SLIT3: variants seen among roughly 807,000 people sequenced by gnomAD.
SLIT3 encodes the protein slit guidance ligand 3, also known as slit homolog 3 protein.
A neutral mutation model predicts 184.0 loss-of-function variants in SLIT3; 68 were observed. The observed-to-expected ratio is 0.37, with a 90% CI of 0.30 to 0.45. SLIT3 has a LOEUF of 0.45. Among genes scored for constraint, SLIT3 ranks in the 20% least tolerant of loss-of-function variants. The probability of loss-of-function intolerance (pLI) is 1.00; values close to 1 mark genes in which losing one functional copy is unlikely to be tolerated. For synonymous variants in SLIT3, 831 were observed against 828.6 expected (o/e 1.00, Z -0.05); for missense variants, 1,707 against 2,026.0 (o/e 0.84, Z 3.02).
At chr5:168,817,489 G>A (rs781563469) in intron 7 of SLIT3, 26 bp from the exon 8 acceptor site, 28 of 1,579,644 alleles carry the variant, frequency 1.8e-5, no homozygotes, top group Non-Finnish European at 2.3e-5. Context: ...ACAGAGAGAA[G>A]GCATGGTCAC....
chr5:169,300,656 C>G lies in SLIT3; in HGVS notation c.54G>C (p.Leu18=). 1 of 1,438,688 alleles carries G rather than the reference C, an allele frequency of 7.0e-7. No individual in the cohort carries two copies. Among genetic ancestry groups the G allele is most frequent in the Non-Finnish European group, 9.1e-7 (1 of 1,103,588 alleles). The allele number at this position is 1,438,688 out of a possible 1,614,324, so 89.1% of individuals were successfully genotyped here. Residue 18 remains leucine (L), a synonymous_variant, in exon 1 of 36, where the codon CTG becomes CTC. Transcript: ENST00000519560. The surrounding 1 kb of genome is among the most constrained non-coding windows in gnomAD (Gnocchi z 4.1). ...VGAAVRARLA[L]ALALASVLSG... Reference sequence around the variant, plus strand: ...TCAGGACGCTCGCCAGCGCCAAGGCCAGCGCCAGGCGGGCGCGCACGGCGG... The same window carrying G: ...TCAGGACGCTCGCCAGCGCCAAGGCGAGCGCCAGGCGGGCGCGCACGGCGG...
rs564971479 is a variant in SLIT3, at chr5:169,066,131, C to T, written c.413+127348G>A. ...ATAATGCAAATACAACCATAGCTGG[C>T]ACTAAAATGTAAAAACTATTTTTGA... On this transcript the variant is annotated intron_variant, in intron 4 of 35. Coordinates refer to ENST00000519560, the MANE Select transcript of SLIT3 (RefSeq NM_003062.4). 3.3e-5 allele frequency among the ~76,000 whole-genome samples: 5 copies of T among 152,300 alleles called. No individual in the cohort carries two copies. In the South Asian group the frequency reaches 8.3e-4, roughly 25 times the overall value.
At chr5:168,857,099 T>TG (rs1758910978) in intron 5 of SLIT3, among the ~76,000 whole-genome samples, 1 of 151,944 alleles carries the variant, frequency 6.6e-6, no homozygotes, top group Non-Finnish European at 1.5e-5. Flanking sequence ...CGAAAACATC[T>TG]GGGGGGCCCA....
chr5:168,931,837 G>A (rs1401021915), intron 4 of SLIT3, among the ~76,000 whole-genome samples: 2 of 152,132 alleles, frequency 1.3e-5, no homozygotes, highest in South Asian at 2.1e-4. Context: ...GTTGACTCCC[G>A]GAGGTTCCTT....
intron 4 of SLIT3, among the ~76,000 whole-genome samples, chr5:169,031,676 G>A (rs1757031289): frequency 6.6e-6 from 1 of 152,226 alleles, no homozygotes; most frequent in Non-Finnish European, 1.5e-5. Context: ...GAACAGAGTA[G>A]TAGGAGATGG....
intron 4 of SLIT3, among the ~76,000 whole-genome samples, chr5:169,003,969 GC>G (rs1755816556): frequency 6.6e-6 from 1 of 152,194 alleles, no homozygotes; most frequent in Non-Finnish European, 1.5e-5. Flanking sequence ...AAAAACCCAG[GC>G]CCCTGCTGAC....
intron 16 of SLIT3, among the ~76,000 whole-genome samples, chr5:168,756,076 GGT>G (rs1388383608): frequency 6.6e-6 from 1 of 152,244 alleles, no homozygotes; most frequent in African/African-American, 2.4e-5. Flanking sequence ...GGAAATCGCA[GGT>G]GGAGGTGGAG....
At chr5:168,827,773 T>C (rs544156697) in intron 6 of SLIT3, among the ~76,000 whole-genome samples, 12 of 152,258 alleles carry the variant, frequency 7.9e-5, no homozygotes, top group Middle Eastern at 3.4e-3. Flanking sequence ...TACATGAAGA[T>C]TCACATAATG....
rs143403018 is a variant in SLIT3, at chr5:168,998,225, C to T, written c.414-114889G>A. 4.9e-3 allele frequency among the ~76,000 whole-genome samples: 744 copies of T among 152,284 alleles called. 5 individuals are homozygous for T. The highest frequency in any genetic ancestry group is 8.8e-3 in the Non-Finnish European group (597 of 68,028). ...TGGCTTAAAACACATGAAACACATCCGTTTCATCCCTTCCTTGTTTCTTTT... is the reference window on the plus strand; with the variant it reads ...TGGCTTAAAACACATGAAACACATCTGTTTCATCCCTTCCTTGTTTCTTTT... On this transcript the variant is annotated intron_variant, in intron 4 of 35. Coordinates refer to ENST00000519560, the MANE Select transcript of SLIT3 (RefSeq NM_003062.4).
At chr5:169,215,483 A>G (rs1420625527) in intron 3 of SLIT3, among the ~76,000 whole-genome samples, 1 of 150,144 alleles carries the variant, frequency 6.7e-6, no homozygotes, top group Non-Finnish European at 1.5e-5. Flanking sequence ...CCAAACAGTA[A>G]TTACTCTGGG....
intron 4 of SLIT3, among the ~76,000 whole-genome samples, chr5:169,100,440 C>CA (rs1759965943): frequency 6.6e-6 from 1 of 152,074 alleles, no homozygotes; most frequent in African/African-American, 2.4e-5. Context: ...TGTCGTAGCA[C>CA]AAAGGCAAGA....
In SLIT3 at chr5:168,925,636, G is replaced by A. The variant is rs138427914; in HGVS notation, c.414-42300C>T. ...AGAAAGATGCCACAGTGGATATTGA[G>A]TAAGGCAATCTGTAGTCTCTGCCCT... On this transcript the variant is annotated intron_variant, in intron 4 of 35. Coordinates refer to ENST00000519560, the MANE Select transcript of SLIT3 (RefSeq NM_003062.4). 1.3e-3 allele frequency among the ~76,000 whole-genome samples: 199 copies of A among 150,318 alleles called. 1 individual carries two copies. The highest frequency in any genetic ancestry group is 4.6e-3 in the African/African-American group (189 of 40,820).
At chr5:169,013,042 G>A (rs1483490897) in intron 4 of SLIT3, 3 of 152,230 alleles carry the variant, frequency 2.0e-5, no homozygotes, top group Admixed American at 1.3e-4. Flanking sequence ...AAATGTGAGC[G>A]ATTAAAAGGG....
chr5:169,100,434 G>A lies in SLIT3; in HGVS notation c.413+93045C>T, dbSNP rs558852461. The stretch of plus-strand genomic sequence containing the variant: ...ATGATACCCACTTCCCAGGATTGTC[G>A]TAGCACAAAGGCAAGAGTGGAAGAA... On this transcript the variant is annotated intron_variant, in intron 4 of 35. Coordinates refer to ENST00000519560, the MANE Select transcript of SLIT3 (RefSeq NM_003062.4). Among the ~76,000 whole-genome samples the A allele has an allele frequency of 6.6e-5, 10 of 152,246 alleles. No homozygotes were observed. The South Asian group carries it at 8.3e-4, about 13-fold the overall frequency.
chr5:168,821,868 T>C (rs1757543499), intron 7 of SLIT3, among the ~76,000 whole-genome samples: 1 of 152,198 alleles, frequency 6.6e-6, no homozygotes, highest in Non-Finnish European at 1.5e-5. Context: ...AACTGCAAAC[T>C]CTGTGTCCTT....
intron 4 of SLIT3, among the ~76,000 whole-genome samples, chr5:169,089,547 A>G (rs7724307): frequency 0.057 from 8,745 of 152,166 alleles, 405 homozygotes; most frequent in Admixed American, 0.14. Context: ...TCCCAAACCC[A>G]AATCCCGTGC....
chr5:169,184,503 G>A (rs1029065419), intron 4 of SLIT3, among the ~76,000 whole-genome samples: 4 of 152,144 alleles, frequency 2.6e-5, no homozygotes, highest in African/African-American at 9.7e-5. Context: ...AAAGATGTTT[G>A]GTTCCTTCCT....
chr5:168,800,889 TGA>T (rs1394022026), intron 9 of SLIT3, among the ~76,000 whole-genome samples: 2 of 152,254 alleles, frequency 1.3e-5, no homozygotes, highest in African/African-American at 4.8e-5. Context: ...CGTTCTGTGA[TGA>T]CACACACATA....
At chr5:168,819,581 A>G (rs917296838) in intron 7 of SLIT3, among the ~76,000 whole-genome samples, 3 of 152,228 alleles carry the variant, frequency 2.0e-5, no homozygotes, top group Non-Finnish European at 4.4e-5. Flanking sequence ...GCATGTGTGC[A>G]TGTGGCGGAT....
Sources: gnomAD v4.1 joint callset for allele counts (sites outside exome capture counted in the v4.1 genomes callset) on GRCh38, gnomAD v4.1.1 for gene constraint, Gnocchi (gnomAD v3.1) non-coding constraint, MANE v1.5 for transcripts, NCBI Gene and HGNC (gene_info 2026-07-23, HGNC 2026-07-21) for gene names.